Variants in PTRH1 observed in about 807,000 individuals in gnomAD.
PTRH1 encodes the protein peptidyl-tRNA hydrolase.
Under a neutral mutation model 15.7 loss-of-function variants are expected in PTRH1, and 13 were observed. The observed-to-expected ratio is 0.83, with a 90% CI of 0.54 to 1.31. The LOEUF (loss-of-function observed/expected upper bound fraction) is 1.31, where lower values mean the gene tolerates loss of function less well. Ranked by LOEUF, PTRH1 falls within the 40% of genes most tolerant of loss-of-function variation. The pLI is 0.00. For missense variants in PTRH1, 319 were observed against 296.2 expected, an observed-to-expected ratio of 1.08 and a Z score of -0.56; for synonymous variants, 139 against 136.7, an observed-to-expected ratio of 1.02 and a Z score of -0.12.
intron 1 of PTRH1, among the ~76,000 whole-genome samples, chr9:127,699,294 G>A (rs925457566): frequency 6.6e-6 from 1 of 152,194 alleles, no homozygotes; most frequent in African/African-American, 2.4e-5. Context: ...CCTTCTGCCC[G>A]GCCGCCTGCA....
At chr9:127,696,258 C>T (rs993076113) in intron 1 of PTRH1, among the ~76,000 whole-genome samples, 5 of 152,196 alleles carry the variant, frequency 3.3e-5, no homozygotes, top group African/African-American at 1.2e-4. Flanking sequence ...ATCACCTGAG[C>T]CCAGGAGTTC....
intron 1 of PTRH1, chr9:127,707,318 C>A: frequency 1.1e-6 from 1 of 940,002 alleles, no homozygotes; most frequent in Non-Finnish European, 1.6e-6. Context: ...TGTCCAGACC[C>A]CATCCCGACC....
chr9:127,714,219 C>T lies in PTRH1; in HGVS notation c.526G>A (p.Val176Met). The T allele has an allele frequency of 6.2e-7, 1 of 1,613,952 alleles. No homozygotes were observed. Among genetic ancestry groups the T allele is most frequent in the Non-Finnish European group, 8.5e-7 (1 of 1,180,008 alleles). Residue 176 changes from valine to methionine, a missense_variant, in exon 5 of 5, where the codon GTG becomes ATG. Physicochemically the swap from Val to Met is conservative, Grantham distance 21. Transcript: ENST00000543175. ...TCAGCAGGGGAGAAGCAGCCCAGCA[C>T]ATGGGCCTGAACCGCCTCAGGGTGC... ...PAHPEAVQAH[V>M]LGCFSPAEQE... is the part of the protein sequence containing the mutation.
rs115919242 is a variant in PTRH1, at chr9:127,705,414, G to A, written c.205+10021C>T. Among the ~76,000 whole-genome samples the A allele has an allele frequency of 7.5e-3, 1,147 of 152,300 alleles. 14 individuals carry two copies. Among genetic ancestry groups the A allele is most frequent in the African/African-American group, 0.026 (1,078 of 41,562 alleles). ...AAGTGCTCTCCCTCCACCCTGCAGCGTCCCCTCCCTGCCTAGAAGTTCAGC... is the reference window on the plus strand; with the variant it reads ...AAGTGCTCTCCCTCCACCCTGCAGCATCCCCTCCCTGCCTAGAAGTTCAGC... On this transcript the variant is annotated intron_variant, in intron 1 of 2. Transcript: ENST00000335223. This position sits in a 1 kb window ranked among gnomAD's most constrained non-coding sequence, Gnocchi z 4.7.
chr9:127,696,937 G>C (rs1372840548), intron 1 of PTRH1, among the ~76,000 whole-genome samples: 1 of 152,110 alleles, frequency 6.6e-6, no homozygotes, highest in Non-Finnish European at 1.5e-5. Flanking sequence ...AGTCTGTATA[G>C]GCTGGAACAA....
chr9:127,699,498 C>CG (rs1032472740), intron 1 of PTRH1, among the ~76,000 whole-genome samples: 16 of 152,214 alleles, frequency 1.1e-4, no homozygotes, highest in Admixed American at 9.2e-4. Flanking sequence ...GCCCTGGAGG[C>CG]GGGGGTTCCT....
At chr9:127,712,105 T>C, downstream of PTRH1, 1 of 1,539,988 alleles carries the variant, frequency 6.5e-7, no homozygotes. Context: ...GGGGCCCCTG[T>C]GGGCTTGGAG....
chr9:127,714,918 G>GGGGGGGGGGCCCCCC, intron 2 of PTRH1, 57 bp downstream of exon 2: 1 of 398,846 alleles, frequency 2.5e-6, no homozygotes, highest in Admixed American at 3.8e-5. Context: ...TCTGGCCCCC[G>GGGGGGGGGGCCCCCC]CGCCCCAACC....
exon 2 of PTRH1, chr9:127,695,061 G>GATGATA: frequency 1.5e-6 from 1 of 649,164 alleles, no homozygotes; most frequent in Non-Finnish European, 2.9e-6. Flanking sequence ...CATTGATGAT[G>GATGATA]ATGATGATGA....
rs183750999 is a variant in PTRH1 at position 127,708,431 on chromosome 9, C to T, written c.205+7004G>A. ...GGCAGAGGTTGCAGAGAGCCGAGAT[C>T]GTGCCACTGCACTCCAACCTGGGTG... On this transcript the variant is annotated intron_variant, in intron 1 of 2. Coordinates refer to the PTRH1 transcript ENST00000335223. 1.2e-3 allele frequency among the ~76,000 whole-genome samples: 177 copies of T among 152,180 alleles called. 3 individuals are homozygous for T. Among genetic ancestry groups the T allele is most frequent in the Admixed American group, 0.01 (155 of 15,294 alleles).
chr9:127,710,826 G>T, downstream of PTRH1: 1 of 1,505,916 alleles, frequency 6.6e-7, no homozygotes, highest in South Asian at 1.2e-5. Context: ...CTAGTCTTCA[G>T]GCCTCAGCTT....
downstream of PTRH1, chr9:127,712,203 C>T (rs764267853): frequency 4.3e-6 from 7 of 1,613,836 alleles, no homozygotes; most frequent in Non-Finnish European, 5.9e-6. Context: ...GTCCAGGAGC[C>T]AGAGAGACCA....
In PTRH1 at chr9:127,705,487, G is replaced by A. The variant is rs891294394; in HGVS notation, c.205+9948C>T. On this transcript the variant is annotated intron_variant, in intron 1 of 2. Transcript: ENST00000335223. The surrounding 1 kb of genome is among the most constrained non-coding windows in gnomAD (Gnocchi z 4.7). Reference sequence around the variant, plus strand: ...CTGACAAAGCCATCCTGGTGCTGATGAAGGCGAGGAGGGCAGGTCTCCAAG... The same window carrying A: ...CTGACAAAGCCATCCTGGTGCTGATAAAGGCGAGGAGGGCAGGTCTCCAAG... Among the ~76,000 whole-genome samples, 2 of 152,238 alleles carry A rather than the reference G, an allele frequency of 1.3e-5. No homozygotes were observed. The highest frequency in any genetic ancestry group is 4.8e-5 in the African/African-American group (2 of 41,464).
intron 1 of PTRH1, among the ~76,000 whole-genome samples, chr9:127,707,650 T>C (rs1842676984): frequency 6.6e-6 from 1 of 152,172 alleles, no homozygotes. Context: ...TCCCCAAATA[T>C]AAGTGGGGAA....
Position 127,715,483 on chromosome 9 carries a change from A to G in PTRH1, c.96+61T>C. ...TTTGGGGGCACTCGGCTCCCGGGAC[A>G]TAATGGCCGAACTGAAGCTAGGGAC... On this transcript the variant is annotated intron_variant, in intron 1 of 4. Coordinates refer to ENST00000543175, the MANE Select transcript of PTRH1 (RefSeq NM_001002913.3). The surrounding 1 kb of genome is among the most constrained non-coding windows in gnomAD (Gnocchi z 5.8). The G allele has an allele frequency of 3.1e-6, 5 of 1,609,616 alleles. No homozygotes were observed. Among genetic ancestry groups the G allele is most frequent in the Non-Finnish European group, 4.2e-6 (5 of 1,177,756 alleles).
intron 1 of PTRH1, among the ~76,000 whole-genome samples, chr9:127,704,551 G>A (rs189748159): frequency 4.0e-4 from 59 of 149,074 alleles, no homozygotes; most frequent in African/African-American, 9.4e-4. Flanking sequence ...AAATGTAAAA[G>A]CCGTTGGAAC....
intron 1 of PTRH1, among the ~76,000 whole-genome samples, chr9:127,708,050 G>A (rs1842686168): frequency 6.6e-6 from 1 of 152,170 alleles, no homozygotes; most frequent in African/African-American, 2.4e-5. Flanking sequence ...TCACCCCCAG[G>A]AAGAGGAGGC....
downstream of PTRH1, chr9:127,712,950 T>A: frequency 6.3e-7 from 1 of 1,592,208 alleles, no homozygotes; most frequent in East Asian, 2.3e-5. Flanking sequence ...ATGGGGACAG[T>A]GCTCGGCTCA....
intron 1 of PTRH1, among the ~76,000 whole-genome samples, chr9:127,699,366 C>G (rs949400168): frequency 2.0e-5 from 3 of 152,226 alleles, no homozygotes; most frequent in Non-Finnish European, 4.4e-5. Flanking sequence ...AGGAAAAGGC[C>G]GACACCCAAC....
Sources: allele counts gnomAD v4.1 joint callset (sites outside exome capture counted in the v4.1 genomes callset), GRCh38; gene constraint gnomAD v4.1.1; non-coding constraint Gnocchi (gnomAD v3.1); transcripts MANE v1.5; gene names NCBI Gene and HGNC (gene_info 2026-07-23, HGNC 2026-07-21).